The following LPAR3 variants were observed in gnomAD, a reference collection of about 807,000 sequenced individuals.
LPAR3 encodes the protein lysophosphatidic acid receptor 3.
In LPAR3, 7 loss-of-function variants were observed where a neutral mutation model predicts 17.8. That is an observed-to-expected ratio of 0.39 (90% confidence interval 0.22 to 0.74). The LOEUF (loss-of-function observed/expected upper bound fraction) is 0.74. Among genes scored for constraint, LPAR3 ranks in the 30% least tolerant of loss-of-function variants. The probability of loss-of-function intolerance (pLI) is 0.40; values close to 1 mark genes in which losing one functional copy is unlikely to be tolerated. For synonymous variants in LPAR3, 179 were observed against 179.9 expected, an observed-to-expected ratio of 0.99 and a Z score of 0.04; for missense variants, 391 against 453.4, an observed-to-expected ratio of 0.86 and a Z score of 1.25.
chr1:84,863,610 G>A (rs1369714337), intron 2 of LPAR3, among the ~76,000 whole-genome samples: 2 of 152,038 alleles, frequency 1.3e-5, no homozygotes, highest in Non-Finnish European at 2.9e-5. Flanking sequence ...CCACATTCAC[G>A]TTCATGGTGA....
chr1:84,850,995 G>A (rs1026468143), intron 2 of LPAR3, among the ~76,000 whole-genome samples: 7 of 152,230 alleles, frequency 4.6e-5, no homozygotes, highest in African/African-American at 7.2e-5. Context: ...GCACTGGGAG[G>A]AGGGTATGCC....
intron 2 of LPAR3, among the ~76,000 whole-genome samples, chr1:84,857,148 GTA>G (rs1659845123): frequency 6.6e-6 from 1 of 152,126 alleles, no homozygotes; most frequent in Non-Finnish European, 1.5e-5. Context: ...GGCACCAACA[GTA>G]GGCTTCTAGT....
At position 84,880,309 on chromosome 1, in the gene LPAR3, A is replaced by G. The variant is rs1336738715; in HGVS notation, c.-19+12707T>C. ...CCTTGCAGCTTTTAGCAAGCGAGACAAGAAAGAGATGAGCTCAGGCAAGAC... is the reference window on the plus strand; with the variant it reads ...CCTTGCAGCTTTTAGCAAGCGAGACGAGAAAGAGATGAGCTCAGGCAAGAC... On this transcript the variant is annotated intron_variant, in intron 1 of 2. Coordinates refer to ENST00000370611, the MANE Select transcript of LPAR3 (RefSeq NM_012152.3). 2.0e-5 allele frequency among the ~76,000 whole-genome samples: 3 copies of G among 152,236 alleles called. No individual in the cohort carries two copies. In the East Asian group the frequency reaches 5.8e-4, roughly 29 times the overall value.
intron 2 of LPAR3, among the ~76,000 whole-genome samples, chr1:84,848,039 T>A (rs981891884): frequency 3.9e-5 from 6 of 152,156 alleles, no homozygotes; most frequent in African/African-American, 1.2e-4. Context: ...TCTGCAGCAC[T>A]CCCTTAACAC....
At chr1:84,831,831 C>CAT (rs60387583) in intron 2 of LPAR3, among the ~76,000 whole-genome samples, 4,529 of 146,696 alleles carry the variant, frequency 0.031, 89 homozygotes, top group Admixed American at 0.042. Flanking sequence ...TAAACTGTAT[C>CAT]ATATATATAT....
chr1:84,830,025 A>G (rs1044560065), intron 2 of LPAR3, among the ~76,000 whole-genome samples: 1 of 152,178 alleles, frequency 6.6e-6, no homozygotes, highest in Non-Finnish European at 1.5e-5. Flanking sequence ...ACACCTGTAA[A>G]ACCTTTACTG....
At position 84,836,006 on chromosome 1, in the gene LPAR3, C is replaced by CTTTT. The variant is rs34491570; in HGVS notation, c.737-21839_737-21836dup. Among the ~76,000 whole-genome samples the CTTTT allele has an allele frequency of 3.6e-3, 222 of 61,750 alleles. 36 individuals carry two copies. The highest frequency in any genetic ancestry group is 0.012 in the African/African-American group (178 of 15,236). The allele number at this position is 61,750 out of a possible 152,430, so 40.5% of individuals were successfully genotyped here. ...ATATGAATGCCCCCCCAACCCCGGC[C>CTTTT]TTTTTTTTTTTTTTTTTTTTTTTTT... On this transcript the variant is annotated intron_variant, in intron 2 of 2. Coordinates refer to ENST00000370611, the MANE Select transcript of LPAR3 (RefSeq NM_012152.3).
Position 84,865,964 on chromosome 1 carries a change from C to T in LPAR3, c.157G>A (p.Ala53Thr), listed in dbSNP as rs760525950. The T allele has an allele frequency of 5.6e-6, 9 of 1,613,860 alleles. No individual in the cohort carries two copies. The highest frequency in any genetic ancestry group is 2.7e-5 in the African/African-American group (2 of 74,820). ...AATTTTCTGTTTTTGATCACTGCCG[C>T]GATGACCAGAGAATTAGAAAAAAAA... The part of the protein sequence containing the change: ...FIFFSNSLVI[A>T]AVIKNRKFHF... Residue 53 changes from alanine to threonine, a missense_variant, in exon 2 of 3, where the codon GCG becomes ACG. Physicochemically the swap from Ala to Thr is moderately conservative, Grantham distance 58. Transcript: ENST00000370611.
At chr1:84,829,321 T>C (rs1248564900) in intron 2 of LPAR3, among the ~76,000 whole-genome samples, 4 of 152,006 alleles carry the variant, frequency 2.6e-5, no homozygotes, top group African/African-American at 7.3e-5. Context: ...AGTTCCCCTC[T>C]AGAGATTCTG....
chr1:84,847,483 C>T (rs1363777609), intron 2 of LPAR3, among the ~76,000 whole-genome samples: 1 of 152,170 alleles, frequency 6.6e-6, no homozygotes, highest in Non-Finnish European at 1.5e-5. Context: ...TCTGGGCCAG[C>T]CCTGTTCTGG....
intron 1 of LPAR3, among the ~76,000 whole-genome samples, chr1:84,879,316 CT>C (rs1187756554): frequency 4.4e-4 from 53 of 120,594 alleles, no homozygotes; most frequent in East Asian, 3.2e-3. Flanking sequence ...TTTCTTTTTT[CT>C]TTTTTTTTTT....
chr1:84,853,120 A>C (rs1002951253), intron 2 of LPAR3, among the ~76,000 whole-genome samples: 6 of 151,702 alleles, frequency 4.0e-5, no homozygotes, highest in Non-Finnish European at 8.8e-5. Flanking sequence ...AAAAAAAAAA[A>C]AACCAAGAAC....
chr1:84,889,211 C>G (rs1010719009), intron 1 of LPAR3, among the ~76,000 whole-genome samples: 1 of 152,144 alleles, frequency 6.6e-6, no homozygotes, highest in Non-Finnish European at 1.5e-5. Flanking sequence ...CCTCCCCCAC[C>G]CTCCAGCTGG....
intron 1 of LPAR3, among the ~76,000 whole-genome samples, chr1:84,866,999 C>T (rs1391115509): frequency 6.6e-6 from 1 of 152,182 alleles, no homozygotes; most frequent in African/African-American, 2.4e-5. Flanking sequence ...TGGGGCAGAT[C>T]TCCAACTCAA....
intron 2 of LPAR3, among the ~76,000 whole-genome samples, chr1:84,833,502 T>A (rs1013483197): frequency 6.6e-6 from 1 of 152,168 alleles, no homozygotes; most frequent in African/African-American, 2.4e-5. Flanking sequence ...GTCACCGTCA[T>A]GATCATTAGC....
At chr1:84,872,370 C>G (rs1433366050) in intron 1 of LPAR3, among the ~76,000 whole-genome samples, 1 of 152,222 alleles carries the variant, frequency 6.6e-6, no homozygotes, top group Admixed American at 6.5e-5. Context: ...AGTGGGTTCC[C>G]TACCTCCAGA....
At chr1:84,841,452 G>A (rs974819517) in intron 2 of LPAR3, among the ~76,000 whole-genome samples, 2 of 152,136 alleles carry the variant, frequency 1.3e-5, no homozygotes, top group African/African-American at 4.8e-5. Context: ...CCCCATGAGA[G>A]TCTAGGAAAT....
Position 84,886,105 on chromosome 1 carries a change from A to G in LPAR3, c.-19+6911T>C, listed in dbSNP as rs538564979. 8.5e-5 allele frequency among the ~76,000 whole-genome samples: 13 copies of G among 152,346 alleles called. No individual in the cohort carries two copies. In the East Asian group the frequency reaches 2.5e-3, roughly 29 times the overall value. On this transcript the variant is annotated intron_variant, in intron 1 of 2. Transcript: ENST00000370611. ...TCCTATGTATTGGTGTCTAAATACA[A>G]TTCTCATATTGCATATTAGATCTCA...
At chr1:84,853,034 T>G (rs1312687075) in intron 2 of LPAR3, among the ~76,000 whole-genome samples, 2 of 150,188 alleles carry the variant, frequency 1.3e-5, no homozygotes, top group Non-Finnish European at 3.0e-5. Context: ...GGCAGAAGGA[T>G]CGCTTGAGCT....
Sources: gnomAD v4.1 joint callset for allele counts (sites outside exome capture counted in the v4.1 genomes callset) on GRCh38, gnomAD v4.1.1 for gene constraint, MANE v1.5 for transcripts, NCBI Gene and HGNC (gene_info 2026-07-23, HGNC 2026-07-21) for gene names.